NELL2: variants seen among roughly 807,000 people sequenced by gnomAD.
NELL2 encodes the protein neural EGFL like 2.
NELL2 carries 41 observed loss-of-function variants against 109.6 expected under a neutral mutation model. That is an observed-to-expected ratio of 0.37 (90% CI 0.29 to 0.49). The LOEUF (loss-of-function observed/expected upper bound fraction) is 0.49. Ranked by LOEUF, NELL2 falls within the 20% of genes least tolerant of loss-of-function variation. The probability of loss-of-function intolerance (pLI) is 0.98; values close to 1 mark genes in which losing one functional copy is unlikely to be tolerated. For synonymous variants in NELL2, 355 were observed against 344.7 expected (o/e 1.03, Z -0.33); for missense variants, 900 against 1,008.3 (o/e 0.89, Z 1.45).
chr12:44,525,527 C>A (rs1941723817), intron 16 of NELL2, among the ~76,000 whole-genome samples: 1 of 152,140 alleles, frequency 6.6e-6, no homozygotes, highest in Non-Finnish European at 1.5e-5. Flanking sequence ...AGAAACTTTT[C>A]CCAACTAACT....
At chr12:44,713,559 T>G (rs1351765845) in intron 10 of NELL2, among the ~76,000 whole-genome samples, 1 of 151,924 alleles carries the variant, frequency 6.6e-6, no homozygotes, top group African/African-American at 2.4e-5. Flanking sequence ...GTGCCTCTAT[T>G]CTCTAAGATG....
At chr12:44,806,896 G>A (rs529491973) in intron 3 of NELL2, among the ~76,000 whole-genome samples, 4 of 151,624 alleles carry the variant, frequency 2.6e-5, no homozygotes, top group African/African-American at 9.7e-5. Flanking sequence ...AATGAGGGAG[G>A]GGGAGAGATA....
chr12:44,787,108 T>C (rs1286291522), intron 3 of NELL2, among the ~76,000 whole-genome samples: 1 of 152,124 alleles, frequency 6.6e-6, no homozygotes, highest in African/African-American at 2.4e-5. Context: ...CATATAAAAA[T>C]AATTATATTT....
At chr12:44,875,016 A>G in intron 2 of NELL2, 1 of 570,012 alleles carries the variant, frequency 1.8e-6, no homozygotes, top group East Asian at 3.0e-5. Context: ...AACTGGCAAG[A>G]GTACAAAGTA....
Position 44,711,323 on chromosome 12 carries a change from G to A in NELL2, c.1158C>T (p.Thr386=), listed in dbSNP as rs1938185766. ...ALDCPESHQI[T]LSHSCCKVCK... is the part of the protein sequence containing the mutation. ...AAACTTTGCAACAGCTGTGAGACAA[G>A]GTTATCTGATGAGACTCTGGACAAT... The change falls in exon 11 of 20, where the codon ACC becomes ACT. Residue 386 remains threonine, a synonymous_variant. Transcript: ENST00000429094. The A allele has an allele frequency of 1.9e-6, 3 of 1,612,434 alleles. No individual in the cohort carries two copies. The highest frequency in any genetic ancestry group is 2.7e-5 in the African/African-American group (2 of 74,826).
chr12:44,651,713 A>T (rs1179799764), intron 13 of NELL2, among the ~76,000 whole-genome samples: 2 of 152,170 alleles, frequency 1.3e-5, no homozygotes, highest in Admixed American at 1.3e-4. Flanking sequence ...CATATTTATG[A>T]TCACTTGAAC....
chr12:44,662,862 AG>A (rs1255970699), intron 13 of NELL2, among the ~76,000 whole-genome samples: 2 of 152,136 alleles, frequency 1.3e-5, no homozygotes, highest in Non-Finnish European at 2.9e-5. Flanking sequence ...AAAGAAGGGC[AG>A]GGATACAGAA....
chr12:44,887,891 C>T (rs1347555215), intron 1 of NELL2, among the ~76,000 whole-genome samples: 1 of 151,998 alleles, frequency 6.6e-6, no homozygotes, highest in African/African-American at 2.4e-5. Flanking sequence ...TGAGGTCTTA[C>T]ACAAAAACTC....
At chr12:44,721,277 C>T (rs1294465601) in intron 9 of NELL2, among the ~76,000 whole-genome samples, 2 of 152,152 alleles carry the variant, frequency 1.3e-5, no homozygotes, top group Non-Finnish European at 2.9e-5. Flanking sequence ...TACCATATAA[C>T]AGTCTATTAA....
intron 19 of NELL2, among the ~76,000 whole-genome samples, chr12:44,513,653 A>G (rs1169981129): frequency 6.6e-6 from 1 of 151,986 alleles, no homozygotes; most frequent in Non-Finnish European, 1.5e-5. Context: ...GGATGAACCT[A>G]ATAGCAGATT....
At chr12:44,732,646 A>G (rs918437574) in intron 9 of NELL2, among the ~76,000 whole-genome samples, 3 of 152,076 alleles carry the variant, frequency 2.0e-5, no homozygotes, top group Non-Finnish European at 4.4e-5. Context: ...GGTCTTGGCA[A>G]TAATTTTCTG....
intron 2 of NELL2, among the ~76,000 whole-genome samples, chr12:44,829,445 C>A (rs1943817436): frequency 6.6e-6 from 1 of 152,148 alleles, no homozygotes; most frequent in South Asian, 2.1e-4. Flanking sequence ...TGCAATTTTT[C>A]AGCTAATATC....
At chr12:44,512,912 A>G (rs1260621972) in intron 19 of NELL2, among the ~76,000 whole-genome samples, 1 of 152,042 alleles carries the variant, frequency 6.6e-6, no homozygotes, top group Non-Finnish European at 1.5e-5. Flanking sequence ...CTGTAGGATA[A>G]ATATAATTAA....
chr12:44,910,272 A>T (rs183981606), intron 1 of NELL2, among the ~76,000 whole-genome samples: 1 of 152,094 alleles, frequency 6.6e-6, no homozygotes, highest in African/African-American at 2.4e-5. Flanking sequence ...TAATTCAACA[A>T]GCAAAAACAA....
At chr12:44,560,181 T>C (rs971070258) in intron 15 of NELL2, among the ~76,000 whole-genome samples, 2 of 152,172 alleles carry the variant, frequency 1.3e-5, no homozygotes, top group Admixed American at 6.5e-5. Flanking sequence ...TAAAGCATTG[T>C]TGAGACGGAA....
chr12:44,678,852 G>A (rs1169347887), intron 12 of NELL2, among the ~76,000 whole-genome samples: 1 of 152,068 alleles, frequency 6.6e-6, no homozygotes, highest in Non-Finnish European at 1.5e-5. Flanking sequence ...AGAGTAGTAC[G>A]GAGGGGATAT....
At chr12:44,770,032 C>T (rs7297931) in intron 9 of NELL2, among the ~76,000 whole-genome samples, 13 of 151,876 alleles carry the variant, frequency 8.6e-5, no homozygotes, top group African/African-American at 3.1e-4. Context: ...AAAAAATTAC[C>T]GTGCATTACA....
chr12:44,811,478 T>C (rs1943177864), intron 3 of NELL2, among the ~76,000 whole-genome samples: 1 of 151,476 alleles, frequency 6.6e-6, no homozygotes, highest in South Asian at 2.1e-4. Flanking sequence ...TTCCTGGAGA[T>C]ATAAGCGCAG....
Position 44,876,216 on chromosome 12 carries a change from C to A in NELL2, c.-347G>T. On this transcript the variant is annotated 5_prime_UTR_variant, in exon 1 of 20. Transcript: ENST00000429094. Reference sequence around the variant, plus strand: ...TAAAAGCAGCCAAAGACTCGCACACCCGGTAGAAGGGGGGCGGCCCCAAGA... The same window carrying A: ...TAAAAGCAGCCAAAGACTCGCACACACGGTAGAAGGGGGGCGGCCCCAAGA... The A allele has an allele frequency of 8.4e-7, 1 of 1,188,122 alleles. No homozygotes were observed. The highest frequency in any genetic ancestry group is 1.0e-6 in the Non-Finnish European group (1 of 956,494). The allele number at this position is 1,188,122 out of a possible 1,614,324, so 73.6% of individuals were successfully genotyped here. A position where few individuals can be genotyped will look rare whatever the true frequency, so the allele number is the denominator to read the frequency against.
Sources: gnomAD v4.1 joint callset for allele counts (sites outside exome capture counted in the v4.1 genomes callset) on GRCh38, gnomAD v4.1.1 for gene constraint, MANE v1.5 for transcripts, NCBI Gene and HGNC (gene_info 2026-07-23, HGNC 2026-07-21) for gene names.